The following MALRD1 variants were observed in gnomAD, a reference collection of about 807,000 sequenced individuals.
MALRD1 encodes MAM and LDL receptor class A domain containing 1.
Under a neutral mutation model 242.1 loss-of-function variants are expected in MALRD1, and 247 were observed. The observed-to-expected ratio is 1.02, with a 90% CI of 0.92 to 1.13. The LOEUF (loss-of-function observed/expected upper bound fraction) is 1.13. Among genes scored for constraint, MALRD1 ranks in the 50% most tolerant of loss-of-function variants. The pLI is 0.00. For synonymous variants in MALRD1, 995 were observed against 866.6 expected (o/e 1.15, Z -2.60); for missense variants, 2,989 against 2,533.1 (o/e 1.18, Z -3.86).
chr10:19,168,054 A>G (rs557795704), intron 13 of MALRD1, among the ~76,000 whole-genome samples: 12 of 152,342 alleles, frequency 7.9e-5, no homozygotes, highest in African/African-American at 2.4e-4. Context: ...TAGACACTCA[A>G]TAAATGTTAG....
chr10:19,293,720 C>T (rs1407148951), intron 21 of MALRD1, among the ~76,000 whole-genome samples: 1 of 151,896 alleles, frequency 6.6e-6, no homozygotes, highest in Non-Finnish European at 1.5e-5. Context: ...CTCTTGGACG[C>T]AAAGAAGGGA....
chr10:19,406,396 C>A (rs947601158), intron 28 of MALRD1, among the ~76,000 whole-genome samples: 5 of 152,084 alleles, frequency 3.3e-5, no homozygotes, highest in Non-Finnish European at 7.3e-5. Flanking sequence ...TCACTTAATG[C>A]CAGAATTCGT....
At chr10:19,603,286 G>A (rs1838452712) in intron 34 of MALRD1, among the ~76,000 whole-genome samples, 1 of 152,134 alleles carries the variant, frequency 6.6e-6, no homozygotes. Context: ...TGTTCTGAAT[G>A]GAATTGCCTA....
intron 35 of MALRD1, among the ~76,000 whole-genome samples, chr10:19,612,311 A>T (rs1023617550): frequency 2.0e-5 from 3 of 151,924 alleles, no homozygotes; most frequent in Admixed American, 6.6e-5. Flanking sequence ...GTCCTGAGGT[A>T]TGGAGCTCCT....
chr10:19,127,321 T>C (rs1837313557), intron 7 of MALRD1, among the ~76,000 whole-genome samples: 1 of 152,250 alleles, frequency 6.6e-6, no homozygotes, highest in Admixed American at 6.5e-5. Flanking sequence ...CATGATTTAC[T>C]GTGCAAAAGA....
At chr10:19,676,423 C>T (rs1295413415) in intron 36 of MALRD1, among the ~76,000 whole-genome samples, 4 of 152,192 alleles carry the variant, frequency 2.6e-5, no homozygotes, top group African/African-American at 4.8e-5. Context: ...TAAGATAAAG[C>T]GATGGAGTGA....
At chr10:19,693,624 C>G (rs1833214755) in intron 38 of MALRD1, among the ~76,000 whole-genome samples, 4 of 152,074 alleles carry the variant, frequency 2.6e-5, no homozygotes, top group Admixed American at 2.6e-4. Flanking sequence ...TAGGAAAAAT[C>G]AATATTGTGA....
chr10:19,708,649 T>G (rs1833974229), intron 38 of MALRD1, among the ~76,000 whole-genome samples: 1 of 118,678 alleles, frequency 8.4e-6, no homozygotes, highest in Non-Finnish European at 1.9e-5. Context: ...CCTGGCCACA[T>G]TTATTTTTTA....
chr10:19,448,653 T>A (rs1835138192), intron 28 of MALRD1, among the ~76,000 whole-genome samples: 1 of 152,164 alleles, frequency 6.6e-6, no homozygotes, highest in African/African-American at 2.4e-5. Flanking sequence ...CTGGGACTGT[T>A]CATGTATTAG....
intron 32 of MALRD1, among the ~76,000 whole-genome samples, chr10:19,545,262 C>T (rs185401157): frequency 4.5e-4 from 69 of 152,168 alleles, no homozygotes; most frequent in Non-Finnish European, 7.9e-4. Flanking sequence ...TTAATGAGGC[C>T]CTGTTTCAAA....
intron 24 of MALRD1, among the ~76,000 whole-genome samples, chr10:19,333,132 C>T (rs1588924814): frequency 6.6e-6 from 1 of 150,672 alleles, no homozygotes; most frequent in East Asian, 1.9e-4. Flanking sequence ...TACCACACCA[C>T]TTCTTTTTAA....
At chr10:19,197,732 A>G (rs984884491) in intron 14 of MALRD1, among the ~76,000 whole-genome samples, 2 of 152,112 alleles carry the variant, frequency 1.3e-5, no homozygotes, top group African/African-American at 2.4e-5. Context: ...AACATTTTCA[A>G]TATTCTTCCT....
chr10:19,577,700 A>C (rs1451947380), intron 33 of MALRD1, among the ~76,000 whole-genome samples: 1 of 152,172 alleles, frequency 6.6e-6, no homozygotes, highest in Non-Finnish European at 1.5e-5. Context: ...TTTTACGTGA[A>C]TGATGACGTT....
chr10:19,428,231 C>T (rs1833976623), intron 28 of MALRD1, among the ~76,000 whole-genome samples: 3 of 151,788 alleles, frequency 2.0e-5, no homozygotes, highest in Admixed American at 2.0e-4. Flanking sequence ...ACGGCAAGCT[C>T]CACGTTTAAT....
intron 21 of MALRD1, among the ~76,000 whole-genome samples, chr10:19,304,184 G>A (rs189586715): frequency 1.3e-5 from 2 of 151,780 alleles, no homozygotes; most frequent in African/African-American, 4.8e-5. Flanking sequence ...TGGCTTGAAC[G>A]AGCAGCCACT....
At chr10:19,709,996 G>C (rs1360467238) in intron 38 of MALRD1, among the ~76,000 whole-genome samples, 2 of 152,082 alleles carry the variant, frequency 1.3e-5, no homozygotes, top group Admixed American at 1.3e-4. Context: ...TGCAAAATCA[G>C]AACCTGAGGG....
At chr10:19,329,193 A>C (rs1363487051) in intron 23 of MALRD1, among the ~76,000 whole-genome samples, 1 of 152,174 alleles carries the variant, frequency 6.6e-6, no homozygotes, top group Non-Finnish European at 1.5e-5. Flanking sequence ...TTTCTTCCAT[A>C]TTAAGCACTT....
At chr10:19,156,348 C>T (rs1834144720) in intron 12 of MALRD1, among the ~76,000 whole-genome samples, 1 of 151,006 alleles carries the variant, frequency 6.6e-6, no homozygotes, top group Non-Finnish European at 1.5e-5. Context: ...AGAATTAAAG[C>T]AAATGCCTGG....
At chr10:19,376,075 T>G (rs1379613312) in intron 26 of MALRD1, among the ~76,000 whole-genome samples, 2 of 152,156 alleles carry the variant, frequency 1.3e-5, no homozygotes, top group African/African-American at 2.4e-5. Context: ...TGAGCCAAGA[T>G]TGCACCACTG....
Sources: allele counts gnomAD v4.1 joint callset (sites outside exome capture counted in the v4.1 genomes callset), GRCh38; gene constraint gnomAD v4.1.1; transcripts MANE v1.5; gene names NCBI Gene and HGNC (gene_info 2026-07-23, HGNC 2026-07-21).